Variants in MAP1B observed in about 807,000 individuals in gnomAD.
MAP1B encodes microtubule-associated protein 1B.
MAP1B carries 12 observed loss-of-function variants against 176.1 expected under a neutral mutation model. That is an observed-to-expected ratio of 0.07 (90% CI 0.04 to 0.11). The LOEUF (loss-of-function observed/expected upper bound fraction) is 0.11, where lower values mean the gene tolerates loss of function less well. MAP1B is among the 10% of genes least tolerant of loss of function. The pLI is 1.00. For synonymous variants in MAP1B, 1,044 were observed against 1,135.0 expected (o/e 0.92, Z 1.61); for missense variants, 2,523 against 2,990.5 (o/e 0.84, Z 3.65).
chr5:72,163,706 G>A (rs76898883), intron 2 of MAP1B, among the ~76,000 whole-genome samples: 16 of 152,196 alleles, frequency 1.1e-4, no homozygotes, highest in African/African-American at 3.6e-4. Context: ...TTTGGGGAGG[G>A]TGAATGTGTG....
rs991392052 is a variant in MAP1B at position 72,197,734 on chromosome 5, G to A, written c.4379G>A (p.Gly1460Glu). The change falls in exon 5 of 7, where the codon GGG becomes GAG. Residue 1460 changes from glycine to glutamate, a missense_variant. Physicochemically the swap from Gly to Glu is moderately conservative, Grantham distance 98. Coordinates refer to ENST00000296755, the MANE Select transcript of MAP1B (RefSeq NM_005909.5). ...AGTCTTTACCAAGACAAACAGGAAG[G>A]GAAAAGCACAGACTTTGCACCAATA... is the stretch of plus-strand genomic sequence containing the variant. ...STSLYQDKQE[G>E]KSTDFAPIKE... The A allele has an allele frequency of 1.2e-6, 2 of 1,614,044 alleles. No individual in the cohort carries two copies. The highest frequency in any genetic ancestry group is 1.7e-6 in the Non-Finnish European group (2 of 1,180,018).
chr5:72,126,819 G>A (rs1383876992), intron 2 of MAP1B, among the ~76,000 whole-genome samples: 1 of 152,196 alleles, frequency 6.6e-6, no homozygotes, highest in Non-Finnish European at 1.5e-5. Context: ...TGATTTCCCA[G>A]TTTGGGAATT....
chr5:72,197,366 T>C lies in MAP1B; in HGVS notation c.4011T>C (p.Tyr1337=). The C allele has an allele frequency of 1.9e-6, 3 of 1,614,198 alleles. No individual in the cohort carries two copies. The highest frequency in any genetic ancestry group is 2.5e-6 in the Non-Finnish European group (3 of 1,180,042). ...VTGSAGHTPY[Y]QSPTDEKSSH... The stretch of plus-strand genomic sequence containing the variant: ...GCAGTGCTGGTCACACACCTTACTA[T>C]CAATCTCCTACTGACGAGAAATCCA... The change falls in exon 5 of 7, where the codon TAT becomes TAC. Residue 1337 remains tyrosine (Y), a synonymous_variant. Transcript: ENST00000296755.
Position 72,196,515 on chromosome 5 carries a change from G to A in MAP1B, c.3160G>A (p.Glu1054Lys). Reference sequence around the variant, plus strand: ...GATGGCTGTGGTCGACAAGGCTGCAGAGGCTGGTGGTGCCGAGGAGCAGTA... The same window carrying A: ...GATGGCTGTGGTCGACAAGGCTGCAAAGGCTGGTGGTGCCGAGGAGCAGTA... ...YVMAVVDKAAEAGGAEEQYGF... is the reference protein window; with the variant it reads ...YVMAVVDKAAKAGGAEEQYGF... Residue 1054 changes from glutamate to lysine, a missense_variant, in exon 5 of 7, where the codon GAG (glutamate) becomes AAG (lysine). Coordinates refer to ENST00000296755, the MANE Select transcript of MAP1B (RefSeq NM_005909.5). This position sits in a 1 kb window ranked among gnomAD's most constrained non-coding sequence, Gnocchi z 5.3. 1 of 1,613,828 alleles carries A rather than the reference G, an allele frequency of 6.2e-7. No homozygotes were observed. The highest frequency in any genetic ancestry group is 1.1e-5 in the South Asian group (1 of 91,078).
At chr5:72,203,904 T>G in intron 6 of MAP1B, 103 bp downstream of exon 6, 1 of 1,018,724 alleles carries the variant, frequency 9.8e-7, no homozygotes, top group Non-Finnish European at 1.5e-6. Flanking sequence ...TGATCGTGGA[T>G]CCACATGAGG....
chr5:72,195,964 C>T lies in MAP1B; in HGVS notation c.2609C>T (p.Thr870Ile). 1 of 1,614,224 alleles carries T rather than the reference C, an allele frequency of 6.2e-7. No individual in the cohort carries two copies. The highest frequency in any genetic ancestry group is 8.5e-7 in the Non-Finnish European group (1 of 1,180,046). Residue 870 changes from threonine (T) to isoleucine (I), a missense_variant, in exon 5 of 7, where the codon ACT (threonine) becomes ATT (isoleucine). By Grantham distance (89) the Thr-to-Ile change is moderately conservative. Coordinates refer to ENST00000296755, the MANE Select transcript of MAP1B (RefSeq NM_005909.5). ...LIEDEEKLKE[T>I]EPVEAYVIQK... ...GAAGACGAAGAGAAACTGAAGGAAA[C>T]TGAGCCAGTCGAAGCCTACGTCATC...
At chr5:72,157,875 T>C (rs1365127865) in intron 2 of MAP1B, among the ~76,000 whole-genome samples, 1 of 152,192 alleles carries the variant, frequency 6.6e-6, no homozygotes, top group Non-Finnish European at 1.5e-5. Flanking sequence ...TTTCTTGCTC[T>C]GTCACCCAGG....
At chr5:72,155,235 G>C (rs1277262584) in intron 2 of MAP1B, among the ~76,000 whole-genome samples, 1 of 152,170 alleles carries the variant, frequency 6.6e-6, no homozygotes, top group African/African-American at 2.4e-5. Context: ...TCCCCCCAGA[G>C]TACTGTATAG....
rs116448656 is a variant in MAP1B at position 72,159,087 on chromosome 5, T to C, written c.287-24656T>C. Reference sequence around the variant, plus strand: ...AGATTAAATAATCAGCCCAAGGTCATAGTTAGCAAGTTGTAGGGCTGGGAT... The same window carrying C: ...AGATTAAATAATCAGCCCAAGGTCACAGTTAGCAAGTTGTAGGGCTGGGAT... On this transcript the variant is annotated intron_variant, in intron 2 of 6. Transcript: ENST00000296755. 7.8e-3 allele frequency among the ~76,000 whole-genome samples: 1,192 copies of C among 152,190 alleles called. 15 individuals carry two copies. Among genetic ancestry groups the C allele is most frequent in the African/African-American group, 0.027 (1,135 of 41,510 alleles).
Position 72,195,788 on chromosome 5 carries a change from A to C in MAP1B, c.2433A>C (p.Ala811=). 1 of 1,614,178 alleles carries C rather than the reference A, an allele frequency of 6.2e-7. No individual in the cohort carries two copies. Among genetic ancestry groups the C allele is most frequent in the Non-Finnish European group, 8.5e-7 (1 of 1,179,990 alleles). The change falls in exon 5 of 7, where the codon GCA becomes GCC. Residue 811 remains alanine, a synonymous_variant. Transcript: ENST00000296755. The stretch of plus-strand genomic sequence containing the variant: ...CCACCACAGCAGCTGTCATGGCGGC[A>C]GCTGGAATAGCAGCCATTGGCCCTG... ...TGATTAAVMA[A]AGIAAIGPAK... is the part of the protein sequence containing the mutation.
chr5:72,184,693 C>T (rs764718930), intron 3 of MAP1B, among the ~76,000 whole-genome samples: 41 of 152,130 alleles, frequency 2.7e-4, no homozygotes, highest in Non-Finnish European at 5.4e-4. Context: ...TAGTTGAGCG[C>T]TTTTGAGATA....
chr5:72,173,365 A>C (rs1746582545), intron 2 of MAP1B, among the ~76,000 whole-genome samples: 1 of 152,232 alleles, frequency 6.6e-6, no homozygotes, highest in South Asian at 2.1e-4. Flanking sequence ...CTCAGTGCTC[A>C]GTTTATGAAC....
chr5:72,200,387 C>T lies in MAP1B; in HGVS notation c.7012+20C>T, dbSNP rs1420183372. The T allele has an allele frequency of 1.2e-6, 2 of 1,607,970 alleles. No homozygotes were observed. Among genetic ancestry groups the T allele is most frequent in the South Asian group, 2.2e-5 (2 of 90,004 alleles). On this transcript the variant is annotated intron_variant, in intron 5 of 6. Coordinates refer to ENST00000296755, the MANE Select transcript of MAP1B (RefSeq NM_005909.5). ...CTGCAGGTAGGTTGAGAAGGCTGGG[C>T]ATTGGATATATGTCACAACCATTCT...
chr5:72,110,425 C>G (rs1355924445), intron 1 of MAP1B, among the ~76,000 whole-genome samples: 1 of 152,212 alleles, frequency 6.6e-6, no homozygotes, highest in African/African-American at 2.4e-5. Context: ...GGCTGCAGCT[C>G]AAGATGCAGG....
intron 2 of MAP1B, among the ~76,000 whole-genome samples, chr5:72,152,932 C>T (rs983944624): frequency 1.3e-5 from 2 of 152,132 alleles, no homozygotes; most frequent in Non-Finnish European, 2.9e-5. Flanking sequence ...GAACAGGAAG[C>T]AGCAACGCAA....
At chr5:72,150,548 A>G (rs1164578236) in intron 2 of MAP1B, among the ~76,000 whole-genome samples, 1 of 152,190 alleles carries the variant, frequency 6.6e-6, no homozygotes, top group African/African-American at 2.4e-5. Context: ...GGTTTGTTAC[A>G]TAGGTAAATG....
At chr5:72,201,317 A>G (rs1747330820) in intron 5 of MAP1B, among the ~76,000 whole-genome samples, 1 of 151,970 alleles carries the variant, frequency 6.6e-6, no homozygotes, top group Non-Finnish European at 1.5e-5. Context: ...GGCTGCAGTG[A>G]GCCAGAATTG....
chr5:72,174,553 C>G (rs1029914497), intron 2 of MAP1B, among the ~76,000 whole-genome samples: 1 of 152,208 alleles, frequency 6.6e-6, no homozygotes, highest in Admixed American at 6.5e-5. Flanking sequence ...ATTCTGATTT[C>G]TTACACTGTA....
chr5:72,141,618 G>T (rs1454105389), intron 2 of MAP1B, among the ~76,000 whole-genome samples: 2 of 152,188 alleles, frequency 1.3e-5, no homozygotes, highest in Non-Finnish European at 2.9e-5. Context: ...CTGATGGCAT[G>T]ACTCAGAAAG....
Sources: allele counts gnomAD v4.1 joint callset (sites outside exome capture counted in the v4.1 genomes callset), GRCh38; gene constraint gnomAD v4.1.1; non-coding constraint Gnocchi (gnomAD v3.1); transcripts MANE v1.5; gene names NCBI Gene and HGNC (gene_info 2026-07-23, HGNC 2026-07-21).